The following PTPRG variants were observed in gnomAD, a reference collection of about 807,000 sequenced individuals.
PTPRG encodes receptor-type tyrosine-protein phosphatase gamma.
Under a neutral mutation model 165.3 loss-of-function variants are expected in PTPRG, and 102 were observed. The ratio of observed to expected loss-of-function variants is 0.62; its 90% CI spans 0.53 to 0.73. The LOEUF (loss-of-function observed/expected upper bound fraction) is 0.73. Ranked by LOEUF, PTPRG falls within the 30% of genes least tolerant of loss-of-function variation. PTPRG has a pLI of 0.00. For synonymous variants in PTPRG, 675 were observed against 669.5 expected (o/e 1.01, Z -0.13); for missense variants, 1,866 against 1,861.4 (o/e 1.00, Z -0.05).
intron 4 of PTPRG, among the ~76,000 whole-genome samples, chr3:62,018,630 C>G (rs1376095029): frequency 6.6e-6 from 1 of 152,216 alleles, no homozygotes; most frequent in Non-Finnish European, 1.5e-5. Flanking sequence ...AATGTAAGCA[C>G]TTGAACTACA....
intron 2 of PTPRG, among the ~76,000 whole-genome samples, chr3:61,945,040 T>G (rs943771703): frequency 6.6e-6 from 1 of 152,180 alleles, no homozygotes; most frequent in African/African-American, 2.4e-5. Context: ...GTGTGTTTCT[T>G]TGTCGTCTTT....
intron 2 of PTPRG, among the ~76,000 whole-genome samples, chr3:61,900,556 ACCT>A (rs779950262): frequency 4.6e-5 from 7 of 151,820 alleles, no homozygotes; most frequent in Non-Finnish European, 8.8e-5. Context: ...CACCCCAAAC[ACCT>A]CCTCTTCAAA....
intron 2 of PTPRG, among the ~76,000 whole-genome samples, chr3:61,914,427 A>G (rs2038881169): frequency 6.6e-6 from 1 of 152,098 alleles, no homozygotes; most frequent in Admixed American, 6.5e-5. Context: ...TCCCGGCAAT[A>G]TTTGGTAGCT....
At chr3:61,842,553 G>T (rs992146720) in intron 2 of PTPRG, among the ~76,000 whole-genome samples, 7 of 152,106 alleles carry the variant, frequency 4.6e-5, no homozygotes, top group Non-Finnish European at 1.0e-4. Context: ...CTTACATTTA[G>T]TATGTGCAGT....
intron 1 of PTPRG, among the ~76,000 whole-genome samples, chr3:61,594,976 G>T (rs1435266626): frequency 4.6e-5 from 7 of 151,848 alleles, no homozygotes; most frequent in Non-Finnish European, 7.4e-5. Context: ...ACCATTCCTT[G>T]TCTGTTGCGG....
At position 62,277,032 on chromosome 3, in the gene PTPRG, A is replaced by G; in HGVS notation, c.3620A>G (p.Asn1207Ser). 1 of 1,612,468 alleles carries G rather than the reference A, an allele frequency of 6.2e-7. No individual in the cohort carries two copies. Among genetic ancestry groups the G allele is most frequent in the Non-Finnish European group, 8.5e-7 (1 of 1,178,786 alleles). The part of the protein sequence containing the change: ...LPGMKGTDYI[N>S]ASYIMGYYRS... The stretch of plus-strand genomic sequence containing the variant: ...GGAATGAAAGGAACAGATTACATTA[A>G]TGCTTCTTATATCATGGTGAGAGTC... Residue 1207 changes from asparagine (N) to serine (S), a missense_variant, in exon 25 of 30, where the codon AAT becomes AGT. Coordinates refer to ENST00000474889, the MANE Select transcript of PTPRG (RefSeq NM_002841.4).
At chr3:61,633,023 C>G (rs540346872) in intron 1 of PTPRG, among the ~76,000 whole-genome samples, 1 of 152,198 alleles carries the variant, frequency 6.6e-6, no homozygotes, top group East Asian at 1.9e-4. Context: ...AGAGTCATCC[C>G]CACCATCCTT....
chr3:62,210,237 C>A lies in PTPRG; in HGVS notation c.2155+6287C>A, dbSNP rs1221135754. On this transcript the variant is annotated intron_variant, in intron 12 of 29. Coordinates refer to ENST00000474889, the MANE Select transcript of PTPRG (RefSeq NM_002841.4). The surrounding 1 kb of genome is among the most constrained non-coding windows in gnomAD (Gnocchi z 4.1). ...CTGCCCACACGAGTTAACACAGAGC[C>A]AGTGTCCTGTTGCAAGAGAACATAT... Among the ~76,000 whole-genome samples the A allele has an allele frequency of 6.6e-6, 1 of 152,156 alleles. No individual in the cohort carries two copies. The highest frequency in any genetic ancestry group is 2.4e-5 in the African/African-American group (1 of 41,414).
At chr3:61,964,059 G>A (rs905329905) in intron 2 of PTPRG, among the ~76,000 whole-genome samples, 3 of 152,172 alleles carry the variant, frequency 2.0e-5, no homozygotes, top group Non-Finnish European at 4.4e-5. Flanking sequence ...TACATGCAGG[G>A]AACACATAAG....
intron 6 of PTPRG, among the ~76,000 whole-genome samples, chr3:62,137,094 T>C (rs1261088815): frequency 3.3e-5 from 5 of 152,208 alleles, no homozygotes; most frequent in Non-Finnish European, 5.9e-5. Context: ...ATCTATCTAC[T>C]CATGCAGTGA....
At chr3:61,911,980 G>A (rs1409528257) in intron 2 of PTPRG, among the ~76,000 whole-genome samples, 3 of 151,976 alleles carry the variant, frequency 2.0e-5, no homozygotes, top group African/African-American at 7.3e-5. Context: ...GATGATTTAC[G>A]CCCCCAATTT....
At chr3:61,817,658 G>A (rs1162128321) in intron 2 of PTPRG, among the ~76,000 whole-genome samples, 1 of 152,148 alleles carries the variant, frequency 6.6e-6, no homozygotes, top group Non-Finnish European at 1.5e-5. Context: ...CGTGGAATTG[G>A]CCCCAGAGGG....
At chr3:61,771,023 C>G (rs923934382) in intron 2 of PTPRG, 1 of 152,168 alleles carries the variant, frequency 6.6e-6, no homozygotes, top group African/African-American at 2.4e-5. Context: ...ACAGCTACAT[C>G]TCACCATTTG....
chr3:62,160,089 C>G (rs542955851), intron 7 of PTPRG, among the ~76,000 whole-genome samples: 2 of 152,316 alleles, frequency 1.3e-5, no homozygotes, highest in African/African-American at 2.4e-5. Context: ...CCTAGTCTCT[C>G]GTTCTTCTAC....
intron 4 of PTPRG, among the ~76,000 whole-genome samples, chr3:62,061,447 G>T (rs533808436): frequency 6.6e-6 from 1 of 152,062 alleles, no homozygotes; most frequent in Non-Finnish European, 1.5e-5. Flanking sequence ...TGAAGTCATG[G>T]TTTTGATATT....
chr3:61,742,365 A>C (rs2033024241), intron 1 of PTPRG: 3 of 917,708 alleles, frequency 3.3e-6, no homozygotes, highest in African/African-American at 1.7e-5. Flanking sequence ...GACTCTTAGG[A>C]CATTTTTATA....
At chr3:61,679,741 G>A (rs1042447547) in intron 1 of PTPRG, among the ~76,000 whole-genome samples, 5 of 152,040 alleles carry the variant, frequency 3.3e-5, no homozygotes, top group East Asian at 1.9e-4. Context: ...AGATCATGCC[G>A]TTGCACTGCA....
chr3:62,062,902 T>C (rs9814748), intron 4 of PTPRG, among the ~76,000 whole-genome samples: 101,147 of 151,820 alleles, frequency 0.67, 34,900 homozygotes, highest in South Asian at 0.86. Flanking sequence ...TATCTGCCCG[T>C]CTCAGCCTCC....
chr3:61,744,164 T>G lies in PTPRG; in HGVS notation c.86-4714T>G, dbSNP rs140303564. Among the ~76,000 whole-genome samples, 751 of 152,320 alleles carry G rather than the reference T, an allele frequency of 4.9e-3. 8 individuals carry two copies. The highest frequency in any genetic ancestry group is 0.017 in the African/African-American group (722 of 41,554). On this transcript the variant is annotated intron_variant, in intron 1 of 29. Transcript: ENST00000474889. ...CTTGCCAATAAAATATTAAGTTGCT[T>G]AATATACTCTATATATACTTTTTGA...
Sources: allele counts gnomAD v4.1 joint callset (sites outside exome capture counted in the v4.1 genomes callset), GRCh38; gene constraint gnomAD v4.1.1; non-coding constraint Gnocchi (gnomAD v3.1); transcripts MANE v1.5; gene names NCBI Gene and HGNC (gene_info 2026-07-23, HGNC 2026-07-21).